DNAJB6: variants seen among roughly 807,000 people sequenced by gnomAD.
DNAJB6 encodes the protein dnaJ homolog subfamily B member 6.
In DNAJB6, 16 loss-of-function variants were observed where a neutral mutation model predicts 42.7. The observed-to-expected ratio is 0.37, with a 90% CI of 0.25 to 0.57. The LOEUF (loss-of-function observed/expected upper bound fraction) is 0.57. Ranked by LOEUF, DNAJB6 falls within the 20% of genes least tolerant of loss-of-function variation. The pLI is 0.74. For missense variants in DNAJB6, 347 were observed against 416.8 expected, an observed-to-expected ratio of 0.83 and a Z score of 1.46; for synonymous variants, 170 against 163.5, an observed-to-expected ratio of 1.04 and a Z score of -0.30.
At chr7:157,357,647 A>G (rs1799379297) in intron 1 of DNAJB6, among the ~76,000 whole-genome samples, 1 of 152,054 alleles carries the variant, frequency 6.6e-6, no homozygotes, top group Non-Finnish European at 1.5e-5. Context: ...AGAGTAGGTT[A>G]GCCAGTCAAA....
At chr7:157,344,700 C>T (rs73497154) in intron 1 of DNAJB6, among the ~76,000 whole-genome samples, 1 of 152,108 alleles carries the variant, frequency 6.6e-6, no homozygotes, top group African/African-American at 2.4e-5. Context: ...CTAGCATCGA[C>T]TGCCTGGGCT....
Position 157,405,481 on chromosome 7 carries a change from C to T in DNAJB6, c.692-4314C>T, listed in dbSNP as rs148107712. On this transcript the variant is annotated intron_variant, in intron 8 of 9. Transcript: ENST00000262177. Reference sequence around the variant, plus strand: ...CTTCCTCCTCGTGGTGACTGGGAGGCGAATGGGCCAGGGTGCTGGGTTTCC... The same window carrying T: ...CTTCCTCCTCGTGGTGACTGGGAGGTGAATGGGCCAGGGTGCTGGGTTTCC... 1.3e-4 allele frequency among the ~76,000 whole-genome samples: 20 copies of T among 152,272 alleles called. 1 individual carries two copies. In the South Asian group the frequency reaches 2.9e-3, roughly 22 times the overall value.
At chr7:157,340,989 T>TGC (rs1369106155) in intron 1 of DNAJB6, among the ~76,000 whole-genome samples, 1 of 74,970 alleles carries the variant, frequency 1.3e-5, no homozygotes, top group Admixed American at 1.4e-4. Context: ...TGTGTGTGTG[T>TGC]GTGTGTGTGC....
intron 8 of DNAJB6, among the ~76,000 whole-genome samples, chr7:157,406,407 A>G (rs11975151): frequency 1.4e-3 from 210 of 152,344 alleles, no homozygotes; most frequent in African/African-American, 4.8e-3. Flanking sequence ...GCCTGGGGAC[A>G]CAGGACTGTG....
intron 1 of DNAJB6, among the ~76,000 whole-genome samples, chr7:157,347,618 C>G (rs1193501522): frequency 6.6e-6 from 1 of 152,172 alleles, no homozygotes; most frequent in African/African-American, 2.4e-5. Flanking sequence ...GGAATACGTA[C>G]CTGTAAGAAT....
chr7:157,409,252 G>C (rs772280486), intron 8 of DNAJB6, among the ~76,000 whole-genome samples: 6 of 152,124 alleles, frequency 3.9e-5, no homozygotes, highest in Non-Finnish European at 8.8e-5. Flanking sequence ...TGTGTTGTGC[G>C]GGGCCAGAGC....
intron 3 of DNAJB6, among the ~76,000 whole-genome samples, chr7:157,365,827 G>C (rs947060935): frequency 5.3e-5 from 8 of 152,066 alleles, no homozygotes; most frequent in African/African-American, 1.9e-4. Context: ...ACCATGCCTG[G>C]CTAATTTTGT....
intron 1 of DNAJB6, among the ~76,000 whole-genome samples, chr7:157,343,912 G>C (rs1177562232): frequency 1.3e-5 from 2 of 152,126 alleles, no homozygotes; most frequent in Non-Finnish European, 2.9e-5. Context: ...TTTGGAAATT[G>C]CAGAAATTAA....
At chr7:157,382,105 G>T in intron 5 of DNAJB6, 141 bp from the exon 6 acceptor site, 1 of 841,296 alleles carries the variant, frequency 1.2e-6, no homozygotes, top group Non-Finnish European at 1.7e-6. Context: ...TTACTCTGTA[G>T]ATAAGCTCTT....
intron 1 of DNAJB6, among the ~76,000 whole-genome samples, chr7:157,351,669 A>ACC (rs1563113514): frequency 1.3e-5 from 2 of 151,230 alleles, no homozygotes; most frequent in African/African-American, 4.9e-5. Context: ...AACAAAAAAA[A>ACC]CCACAAAACT....
chr7:157,410,414 C>G (rs903441974), intron 9 of DNAJB6: 1 of 345,212 alleles, frequency 2.9e-6, no homozygotes, highest in Non-Finnish European at 5.2e-6. Flanking sequence ...GCTTCACCTT[C>G]TCGTGCCTTC....
chr7:157,402,196 C>T (rs951165375), intron 8 of DNAJB6, among the ~76,000 whole-genome samples: 2 of 152,206 alleles, frequency 1.3e-5, no homozygotes, highest in African/African-American at 2.4e-5. Flanking sequence ...CCTGGGCCCA[C>T]GTGATCCTCC....
chr7:157,416,520 A>G lies in DNAJB6; in HGVS notation c.*422A>G, dbSNP rs562917032. On this transcript the variant is annotated 3_prime_UTR_variant, in exon 10 of 10. Coordinates refer to ENST00000262177, the MANE Select transcript of DNAJB6 (RefSeq NM_058246.4). ...GGCGTAGTGTTTGGAATTAGAAGGT[A>G]ATTCAGTAGAGTGTAACTTAGAGAA... is the stretch of plus-strand genomic sequence containing the variant. 39 of 176,300 alleles carry G rather than the reference A, an allele frequency of 2.2e-4. No homozygotes were observed. The highest frequency in any genetic ancestry group is 8.4e-4 in the South Asian group (6 of 7,144). The allele number at this position is 176,300 out of a possible 1,614,324, so 10.9% of individuals were successfully genotyped here. A position where few individuals can be genotyped will look rare whatever the true frequency, so the allele number is the denominator to read the frequency against.
intron 9 of DNAJB6, chr7:157,413,813 C>T (rs1796039147): frequency 6.7e-6 from 1 of 149,946 alleles, no homozygotes; most frequent in African/African-American, 2.5e-5. Flanking sequence ...ACCTCTGCCT[C>T]AAGGGTTCCA....
intron 8 of DNAJB6, among the ~76,000 whole-genome samples, chr7:157,402,304 G>C (rs141121515): frequency 6.6e-6 from 1 of 152,304 alleles, no homozygotes; most frequent in East Asian, 1.9e-4. Context: ...CAGGGAAGGC[G>C]CCTCTTCTTC....
chr7:157,386,363 T>C, intron 8 of DNAJB6: 1 of 968,768 alleles, frequency 1.0e-6, no homozygotes, highest in East Asian at 1.1e-4. Context: ...CCTGGGCTTC[T>C]AGTGTCACTT....
At chr7:157,346,316 T>TAAAAAAAAAA (rs60806134) in intron 1 of DNAJB6, among the ~76,000 whole-genome samples, 47 of 117,694 alleles carry the variant, frequency 4.0e-4, no homozygotes, top group Admixed American at 7.9e-4. Flanking sequence ...CAAGGAGTAG[T>TAAAAAAAAAA]AAAAAAAAAA....
intron 7 of DNAJB6, among the ~76,000 whole-genome samples, chr7:157,385,216 G>T (rs1800993618): frequency 6.7e-6 from 1 of 150,012 alleles, no homozygotes; most frequent in Non-Finnish European, 1.5e-5. Flanking sequence ...AATCTTTAAT[G>T]TAATACAGTG....
chr7:157,369,507 C>A, intron 5 of DNAJB6: 1 of 429,102 alleles, frequency 2.3e-6, no homozygotes, highest in Non-Finnish European at 4.7e-6. Context: ...ATGTCTGAGA[C>A]CGGGCGTCTT....
Sources: gnomAD v4.1 joint callset for allele counts (sites outside exome capture counted in the v4.1 genomes callset) on GRCh38, gnomAD v4.1.1 for gene constraint, MANE v1.5 for transcripts, NCBI Gene and HGNC (gene_info 2026-07-23, HGNC 2026-07-21) for gene names.